AGBL3: variants seen among roughly 807,000 people sequenced by gnomAD.
The protein encoded by AGBL3 is AGBL carboxypeptidase 3.
A neutral mutation model predicts 94.5 loss-of-function variants in AGBL3; 68 were observed. The ratio of observed to expected loss-of-function variants is 0.72; its 90% CI spans 0.59 to 0.88. The LOEUF (loss-of-function observed/expected upper bound fraction) is 0.88. Among genes scored for constraint, AGBL3 ranks in the 40% least tolerant of loss-of-function variants. The pLI, the probability that AGBL3 is intolerant of heterozygous loss-of-function variation, is 0.00. For synonymous variants in AGBL3, 354 were observed against 370.7 expected, an observed-to-expected ratio of 0.95 and a Z score of 0.52; for missense variants, 934 against 1,103.8, an observed-to-expected ratio of 0.85 and a Z score of 2.18.
intron 4 of AGBL3, chr7:135,011,275 G>A (rs1467069085): frequency 2.0e-5 from 3 of 152,010 alleles, no homozygotes; most frequent in African/African-American, 7.2e-5. Flanking sequence ...CATTTTAAAT[G>A]GGTTATGGAT....
At chr7:135,111,115 A>G (rs570834069) in intron 15 of AGBL3, among the ~76,000 whole-genome samples, 1 of 152,322 alleles carries the variant, frequency 6.6e-6, no homozygotes, top group South Asian at 2.1e-4. Context: ...TAAAACAGAA[A>G]CAAAAACCAG....
chr7:135,121,077 T>C (rs1397224590), intron 16 of AGBL3, among the ~76,000 whole-genome samples: 1 of 152,064 alleles, frequency 6.6e-6, no homozygotes, highest in Admixed American at 6.6e-5. Flanking sequence ...TGGTGTCTCA[T>C]ACCTGTAATC....
At chr7:135,049,273 C>A (rs1394543202) in intron 11 of AGBL3, among the ~76,000 whole-genome samples, 1 of 151,768 alleles carries the variant, frequency 6.6e-6, no homozygotes, top group African/African-American at 2.4e-5. Flanking sequence ...GGGATAAATC[C>A]CACTTAGTCA....
At chr7:134,998,573 G>A (rs1055541780) in intron 4 of AGBL3, among the ~76,000 whole-genome samples, 5 of 152,170 alleles carry the variant, frequency 3.3e-5, no homozygotes, top group African/African-American at 1.2e-4. Flanking sequence ...AGTAATACCA[G>A]TCTAGCTCGT....
chr7:135,077,359 G>A (rs746637438), intron 13 of AGBL3, among the ~76,000 whole-genome samples: 5 of 152,106 alleles, frequency 3.3e-5, no homozygotes, highest in Non-Finnish European at 7.4e-5. Flanking sequence ...GAGGCAAATG[G>A]AGGAAACCTA....
chr7:135,080,261 G>C lies in AGBL3; in HGVS notation c.2038+1G>C. The C allele has an allele frequency of 6.5e-7, 1 of 1,547,828 alleles. No homozygotes were observed. Among genetic ancestry groups the C allele is most frequent in the Non-Finnish European group, 8.7e-7 (1 of 1,143,992 alleles). Reference sequence around the variant, plus strand: ...ACACAATCAAATTCTGATGTGAAAGGTAATATTCTGCTTCTACCTTCTCAT... The same window carrying C: ...ACACAATCAAATTCTGATGTGAAAGCTAATATTCTGCTTCTACCTTCTCAT... On this transcript the variant is annotated splice_donor_variant, in intron 14 of 16. Coordinates refer to ENST00000436302, the MANE Select transcript of AGBL3 (RefSeq NM_178563.4). LOFTEE classifies it high-confidence loss of function.
At chr7:135,061,177 C>A (rs1818810280) in intron 12 of AGBL3, among the ~76,000 whole-genome samples, 1 of 151,886 alleles carries the variant, frequency 6.6e-6, no homozygotes, top group South Asian at 2.1e-4. Context: ...TACCTGTTGG[C>A]CATTTGTATT....
chr7:135,019,696 C>T (rs564565245), intron 5 of AGBL3, among the ~76,000 whole-genome samples: 284 of 152,142 alleles, frequency 1.9e-3, no homozygotes, highest in African/African-American at 6.0e-3. Context: ...CAAAACAGCA[C>T]GGTACTGGTA....
At chr7:135,021,115 C>A (rs1228816172) in intron 5 of AGBL3, among the ~76,000 whole-genome samples, 4 of 151,142 alleles carry the variant, frequency 2.6e-5, no homozygotes, top group African/African-American at 9.7e-5. Flanking sequence ...TATTAAATGT[C>A]AGTTAACAAT....
chr7:135,071,307 C>T (rs545470158), intron 12 of AGBL3, among the ~76,000 whole-genome samples: 4 of 152,096 alleles, frequency 2.6e-5, no homozygotes, highest in South Asian at 2.1e-4. Context: ...CCATTTTCAT[C>T]GTGAAAATGG....
At chr7:135,032,180 G>T (rs559891963) in intron 5 of AGBL3, among the ~76,000 whole-genome samples, 3 of 152,236 alleles carry the variant, frequency 2.0e-5, no homozygotes, top group African/African-American at 7.2e-5. Flanking sequence ...TCTATTTGTT[G>T]TCCAAATGCG....
intron 5 of AGBL3, among the ~76,000 whole-genome samples, chr7:135,017,490 G>A (rs1260594965): frequency 2.6e-5 from 4 of 152,074 alleles, no homozygotes; most frequent in South Asian, 2.1e-4. Flanking sequence ...CTCCATGTAT[G>A]GCTCACATTC....
intron 4 of AGBL3, among the ~76,000 whole-genome samples, chr7:135,014,723 A>C (rs1329320576): frequency 6.6e-6 from 1 of 152,182 alleles, no homozygotes; most frequent in Non-Finnish European, 1.5e-5. Context: ...TGGAGAAAGG[A>C]GCTGAAGGCC....
At chr7:135,116,345 CTCTTTA>C (rs1194199820) in intron 16 of AGBL3, among the ~76,000 whole-genome samples, 2 of 152,112 alleles carry the variant, frequency 1.3e-5, no homozygotes, top group Non-Finnish European at 2.9e-5. Context: ...TTTGCCATTT[CTCTTTA>C]TAAGTGAAAA....
In AGBL3 at chr7:135,007,670, TAGAC is replaced by T. The variant is rs562780735; in HGVS notation, c.311-9378_311-9375del. Among the ~76,000 whole-genome samples the T allele has an allele frequency of 2.2e-3, 341 of 152,032 alleles. 1 individual carries two copies. Among genetic ancestry groups the T allele is most frequent in the African/African-American group, 7.5e-3 (311 of 41,514 alleles). Reference sequence around the variant, plus strand: ...TAATGGAGGTTCTAGCCAGGGTAATTAGACAGAAAGAGAAGTTTAAAAAGTCCAG... The same window carrying T: ...TAATGGAGGTTCTAGCCAGGGTAATTAGAAAGAGAAGTTTAAAAAGTCCAG... On this transcript the variant is annotated intron_variant, in intron 4 of 16. Transcript: ENST00000436302.
At chr7:135,074,037 A>G (rs112284043) in intron 12 of AGBL3, among the ~76,000 whole-genome samples, 18,169 of 72,420 alleles carry the variant, frequency 0.25, 1,211 homozygotes, top group South Asian at 0.41. Flanking sequence ...TGTATTGTAT[A>G]CTTGAAATTT....
At chr7:135,068,159 A>G (rs1424006546) in intron 12 of AGBL3, among the ~76,000 whole-genome samples, 1 of 152,202 alleles carries the variant, frequency 6.6e-6, no homozygotes, top group Non-Finnish European at 1.5e-5. Flanking sequence ...AAATGAATGT[A>G]ATGAAGTGAG....
At chr7:135,083,404 GCTTTCT>G (rs1308386244) in intron 15 of AGBL3, among the ~76,000 whole-genome samples, 1 of 151,892 alleles carries the variant, frequency 6.6e-6, no homozygotes, top group East Asian at 1.9e-4. Context: ...TTTTCTTTAG[GCTTTCT>G]CTTTCTCATT....
At chr7:134,990,390 T>C (rs141702407) in intron 3 of AGBL3, among the ~76,000 whole-genome samples, 3 of 152,346 alleles carry the variant, frequency 2.0e-5, no homozygotes, top group South Asian at 2.1e-4. Context: ...TTTAGCATAA[T>C]ACTCTTGAGA....
Sources: gnomAD v4.1 joint callset for allele counts (sites outside exome capture counted in the v4.1 genomes callset) on GRCh38, gnomAD v4.1.1 for gene constraint, MANE v1.5 for transcripts, NCBI Gene and HGNC (gene_info 2026-07-23, HGNC 2026-07-21) for gene names.